The following TMEM74 variants were observed in gnomAD, a reference collection of about 807,000 sequenced individuals.
TMEM74 encodes transmembrane protein 74.
In TMEM74, 13 loss-of-function variants were observed where a neutral mutation model predicts 18.1. That is an observed-to-expected ratio of 0.72 (90% CI 0.47 to 1.14). The LOEUF (loss-of-function observed/expected upper bound fraction) is 1.14, where lower values mean the gene tolerates loss of function less well. TMEM74 is among the 50% of genes most tolerant of loss of function. TMEM74 has a pLI of 0.00. For missense variants in TMEM74, 372 were observed against 375.9 expected (o/e 0.99, Z 0.09); for synonymous variants, 159 against 146.6 (o/e 1.08, Z -0.61).
chr8:108,678,187 A>T (rs1198384075), intron 1 of TMEM74, among the ~76,000 whole-genome samples: 1 of 152,202 alleles, frequency 6.6e-6, no homozygotes, highest in Non-Finnish European at 1.5e-5. Flanking sequence ...ACTTTTAATC[A>T]CACAGGAGAA....
intron 2 of TMEM74, among the ~76,000 whole-genome samples, chr8:108,635,234 A>G (rs1196134173): frequency 6.6e-6 from 1 of 151,806 alleles, no homozygotes; most frequent in Non-Finnish European, 1.5e-5. Context: ...ACTCCAAAAC[A>G]ATTGCTTCTT....
intron 2 of TMEM74, among the ~76,000 whole-genome samples, chr8:108,619,561 CT>C (rs1812419404): frequency 1.3e-5 from 2 of 152,152 alleles, no homozygotes; most frequent in South Asian, 4.1e-4. Context: ...TGCTTTTTCT[CT>C]CTGTATGTGG....
chr8:108,734,059 G>A (rs148224644), intron 1 of TMEM74, among the ~76,000 whole-genome samples: 358 of 152,346 alleles, frequency 2.3e-3, no homozygotes, highest in Non-Finnish European at 3.3e-3. Context: ...CTGTGAGTGT[G>A]TTCCTGGAGG....
chr8:108,761,653 C>T (rs1814045936), intron 1 of TMEM74, among the ~76,000 whole-genome samples: 1 of 152,124 alleles, frequency 6.6e-6, no homozygotes, highest in Non-Finnish European at 1.5e-5. Context: ...ATGTTACCCT[C>T]TTCCTATTCT....
At position 108,784,627 on chromosome 8, in the gene TMEM74, C is replaced by T. The variant is rs1814353984; in HGVS notation, c.472G>A (p.Glu158Lys). 1 of 1,614,076 alleles carries T rather than the reference C, an allele frequency of 6.2e-7. No homozygotes were observed. Residue 158 changes from glutamate to lysine, a missense_variant, in exon 2 of 2, where the codon GAA becomes AAA. By Grantham distance (56) the Glu-to-Lys change is moderately conservative (BLOSUM62 1). Coordinates refer to ENST00000297459, the MANE Select transcript of TMEM74 (RefSeq NM_153015.3). The part of the protein sequence containing the change: ...SQEAAISLIS[E>K]EEDDTSSEAT... ...TCTGAACTTGTATCATCCTCCTCTTCAGATATCAAAGATATGGCAGCCTCT... is the reference window on the plus strand; with the variant it reads ...TCTGAACTTGTATCATCCTCCTCTTTAGATATCAAAGATATGGCAGCCTCT...
chr8:108,735,978 C>T lies in TMEM74; in HGVS notation n.119+51498G>A, dbSNP rs534056533. Among the ~76,000 whole-genome samples, 6 of 152,210 alleles carry T rather than the reference C, an allele frequency of 3.9e-5. No individual in the cohort carries two copies. The East Asian group carries it at 1.2e-3, about 29-fold the overall frequency. On this transcript the variant is annotated intron_variant and non_coding_transcript_variant, in intron 1 of 3. Coordinates refer to the TMEM74 transcript ENST00000518838. ...TGCTCACTTGACAACTCTCAAATCA[C>T]TCGCCTTCTTTTTTTTTTCTGTTGT...
chr8:108,735,419 A>AG (rs987737468), intron 1 of TMEM74, among the ~76,000 whole-genome samples: 1 of 72,680 alleles, frequency 1.4e-5, no homozygotes, highest in African/African-American at 1.4e-4. Context: ...CTGTATCTAC[A>AG]GTTTCTCTAT....
intron 1 of TMEM74, among the ~76,000 whole-genome samples, chr8:108,698,023 G>GT (rs1052282203): frequency 6.6e-5 from 10 of 151,946 alleles, no homozygotes; most frequent in South Asian, 6.3e-4. Context: ...TGTTCATGTG[G>GT]TTTTTTTTCC....
chr8:108,709,157 C>A (rs1813450189), intron 1 of TMEM74, among the ~76,000 whole-genome samples: 1 of 152,118 alleles, frequency 6.6e-6, no homozygotes, highest in Admixed American at 6.5e-5. Context: ...TAACTTATGA[C>A]TCAGCAATCC....
chr8:108,650,471 A>G (rs937542003), intron 2 of TMEM74, among the ~76,000 whole-genome samples: 2 of 152,128 alleles, frequency 1.3e-5, no homozygotes, highest in Admixed American at 1.3e-4. Context: ...AATGGCCTAT[A>G]AAACTCCATA....
At chr8:108,670,343 A>G (rs1004112768) in intron 1 of TMEM74, among the ~76,000 whole-genome samples, 1 of 152,298 alleles carries the variant, frequency 6.6e-6, no homozygotes, top group South Asian at 2.1e-4. Flanking sequence ...CTGCTTAGGG[A>G]ATGATTTGCC....
chr8:108,643,627 G>T (rs1210555511), intron 2 of TMEM74, among the ~76,000 whole-genome samples: 3 of 151,938 alleles, frequency 2.0e-5, no homozygotes, highest in African/African-American at 7.3e-5. Flanking sequence ...TGTAATTCCA[G>T]CACTTTGGGA....
chr8:108,695,777 C>T (rs1278972024), intron 1 of TMEM74, among the ~76,000 whole-genome samples: 1 of 152,168 alleles, frequency 6.6e-6, no homozygotes, highest in Non-Finnish European at 1.5e-5. Context: ...GCAGCATGGG[C>T]ATACTTTTCT....
intron 2 of TMEM74, among the ~76,000 whole-genome samples, chr8:108,616,859 C>T (rs1030262661): frequency 2.6e-5 from 4 of 151,752 alleles, no homozygotes; most frequent in African/African-American, 9.7e-5. Context: ...AGTGAATGAT[C>T]CCCCTTAGAT....
rs1813547946 is a variant in TMEM74 at position 108,718,181 on chromosome 8, A to C, written n.120-62744T>G. Among the ~76,000 whole-genome samples the C allele has an allele frequency of 2.8e-5, 2 of 71,936 alleles. 1 individual carries two copies. The highest frequency in any genetic ancestry group is 3.3e-4 in the African/African-American group (2 of 6,108). 47.2% of individuals were successfully genotyped at this position (71,936 alleles called of 152,430 possible). On this transcript the variant is annotated intron_variant and non_coding_transcript_variant, in intron 1 of 3. Coordinates refer to the TMEM74 transcript ENST00000518838. The stretch of plus-strand genomic sequence containing the variant: ...CACCATTTTAGCCGGGATGGTCTCG[A>C]TCTCCTGACCTCGTGATCCGCCCGC...
rs947479868 is a variant in TMEM74 at position 108,782,082 on chromosome 8, T to C, written c.*2099A>G. Reference sequence around the variant, plus strand: ...ATTAGTTTTTTCTTTAATGCCTTCTTTTTTTTAATGCCTTCTTTTTTTAAC... The same window carrying C: ...ATTAGTTTTTTCTTTAATGCCTTCTCTTTTTTAATGCCTTCTTTTTTTAAC... On this transcript the variant is annotated 3_prime_UTR_variant, in exon 2 of 2. Transcript: ENST00000297459. Among the ~76,000 whole-genome samples, 1 of 152,092 alleles carries C rather than the reference T, an allele frequency of 6.6e-6. No individual in the cohort carries two copies. The highest frequency in any genetic ancestry group is 1.5e-5 in the Non-Finnish European group (1 of 68,024).
At position 108,660,465 on chromosome 8, in the gene TMEM74, G is replaced by A. The variant is rs150091889; in HGVS notation, n.120-5028C>T. Reference sequence around the variant, plus strand: ...GATGCCAAGTCTTATTTTTCTTCTTGGTATTCAACCTTCCCAAAACTTCAC... The same window carrying A: ...GATGCCAAGTCTTATTTTTCTTCTTAGTATTCAACCTTCCCAAAACTTCAC... On this transcript the variant is annotated intron_variant and non_coding_transcript_variant, in intron 1 of 3. Coordinates refer to the TMEM74 transcript ENST00000518838. Among the ~76,000 whole-genome samples, 286 of 152,070 alleles carry A rather than the reference G, an allele frequency of 1.9e-3. 2 individuals are homozygous for A. The highest frequency in any genetic ancestry group is 6.4e-3 in the African/African-American group (265 of 41,494).
chr8:108,713,688 A>G (rs1286550206), intron 1 of TMEM74, among the ~76,000 whole-genome samples: 1 of 152,252 alleles, frequency 6.6e-6, no homozygotes, highest in Non-Finnish European at 1.5e-5. Context: ...AGGGTTCTCC[A>G]AAGAGACAGA....
intron 1 of TMEM74, among the ~76,000 whole-genome samples, chr8:108,726,370 T>C (rs1813638497): frequency 6.6e-6 from 1 of 152,112 alleles, no homozygotes; most frequent in Non-Finnish European, 1.5e-5. Context: ...AGTAAATCAA[T>C]TGTCAAATAG....
Sources: allele counts gnomAD v4.1 joint callset (sites outside exome capture counted in the v4.1 genomes callset), GRCh38; gene constraint gnomAD v4.1.1; transcripts MANE v1.5; gene names NCBI Gene and HGNC (gene_info 2026-07-23, HGNC 2026-07-21).